The following DLC1 variants were observed in gnomAD, a reference collection of about 807,000 sequenced individuals.
The protein encoded by DLC1 is DLC1 Rho GTPase activating protein, also known as rho GTPase-activating protein 7.
A neutral mutation model predicts 140.3 loss-of-function variants in DLC1; 54 were observed. That is an observed-to-expected ratio of 0.38 (90% CI 0.31 to 0.48). The LOEUF (loss-of-function observed/expected upper bound fraction) is 0.48, where lower values mean the gene tolerates loss of function less well. DLC1 is among the 20% of genes least tolerant of loss of function. The pLI, the probability that DLC1 is intolerant of heterozygous loss-of-function variation, is 0.96. For missense variants in DLC1, 2,536 were observed against 1,907.0 expected (o/e 1.33, Z -6.14); for synonymous variants, 986 against 728.1 (o/e 1.35, Z -5.70).
chr8:13,257,450 A>C (rs1032583587), intron 5 of DLC1, among the ~76,000 whole-genome samples: 9 of 151,784 alleles, frequency 5.9e-5, no homozygotes, highest in Non-Finnish European at 1.2e-4. Context: ...AAAAAAAAAA[A>C]AAAAAAAAGC....
chr8:13,142,111 C>G lies in DLC1; in HGVS notation c.1349-26454G>C, dbSNP rs534902979. Reference sequence around the variant, plus strand: ...CATACATACACAGTCGCTCCTGCCGCCTTGTGAAGAAGTTACTTGCTTCTG... The same window carrying G: ...CATACATACACAGTCGCTCCTGCCGGCTTGTGAAGAAGTTACTTGCTTCTG... On this transcript the variant is annotated intron_variant, in intron 5 of 17. Coordinates refer to ENST00000276297, the MANE Select transcript of DLC1 (RefSeq NM_182643.3). Among the ~76,000 whole-genome samples the G allele has an allele frequency of 5.1e-4, 78 of 152,298 alleles. 1 individual carries two copies. The Middle Eastern group carries it at 0.01, about 20-fold the overall frequency.
intron 1 of DLC1, chr8:13,567,597 T>C (rs1291121607): frequency 7.7e-6 from 12 of 1,551,768 alleles, no homozygotes; most frequent in African/African-American, 2.7e-5. Context: ...GTCCCTATTG[T>C]AACAGGAAAA....
chr8:13,349,950 T>G (rs1029970715), intron 4 of DLC1, among the ~76,000 whole-genome samples: 1 of 152,218 alleles, frequency 6.6e-6, no homozygotes, highest in African/African-American at 2.4e-5. Flanking sequence ...GACTTCAGTC[T>G]CTGAGACCAG....
intron 1 of DLC1, among the ~76,000 whole-genome samples, chr8:13,522,315 C>A (rs937023873): frequency 6.6e-6 from 1 of 151,892 alleles, no homozygotes; most frequent in Non-Finnish European, 1.5e-5. Flanking sequence ...ATGGGGGGTA[C>A]GGAATTGGTA....
intron 2 of DLC1, among the ~76,000 whole-genome samples, chr8:13,476,608 C>T (rs4831440): frequency 6.6e-6 from 1 of 151,688 alleles, no homozygotes. Flanking sequence ...TCCAGACAAA[C>T]CAGAATGAAT....
intron 1 of DLC1, among the ~76,000 whole-genome samples, chr8:13,550,473 T>G (rs1480590839): frequency 1.3e-5 from 2 of 152,152 alleles, no homozygotes; most frequent in African/African-American, 4.8e-5. Flanking sequence ...TTGCATGGTC[T>G]TCTTGAGCTA....
chr8:13,255,013 G>A (rs1419439249), intron 5 of DLC1, among the ~76,000 whole-genome samples: 1 of 150,664 alleles, frequency 6.6e-6, no homozygotes, highest in East Asian at 2.0e-4. Context: ...GTCCCACTCT[G>A]TTGCCCAGGC....
intron 4 of DLC1, among the ~76,000 whole-genome samples, chr8:13,388,790 A>G (rs67303109): frequency 0.13 from 19,213 of 152,026 alleles, 1,349 homozygotes; most frequent in Non-Finnish European, 0.15. Context: ...ACATATCTAT[A>G]AAATCTGTGG....
chr8:13,514,616 G>A lies in DLC1; in HGVS notation c.-140C>T. On this transcript the variant is annotated 5_prime_UTR_variant, in exon 1 of 18. Coordinates refer to ENST00000276297, the MANE Select transcript of DLC1 (RefSeq NM_182643.3). ...TAGCGTCTTACCTAGACAACGAGGA[G>A]CTGAAACGCCAAGGCATGACACTGC... 2.5e-6 allele frequency: 1 copy of A among 398,552 alleles called. No homozygotes were observed. The highest frequency in any genetic ancestry group is 1.3e-4 in the South Asian group (1 of 7,854). The allele number at this position is 398,552 out of a possible 1,614,324, so 24.7% of individuals were successfully genotyped here.
chr8:13,123,660 C>T (rs1052435506), intron 5 of DLC1, among the ~76,000 whole-genome samples: 1 of 152,114 alleles, frequency 6.6e-6, no homozygotes, highest in Non-Finnish European at 1.5e-5. Flanking sequence ...CCCTCTCTCC[C>T]TCTTTTCCTG....
At chr8:13,160,163 A>G (rs1430501992) in intron 5 of DLC1, 2 of 152,314 alleles carry the variant, frequency 1.3e-5, no homozygotes, top group Admixed American at 1.3e-4. Context: ...GTCTTGGAAA[A>G]AAGGTGAGTA....
chr8:13,370,297 A>G (rs1835672698), intron 4 of DLC1, among the ~76,000 whole-genome samples: 1 of 152,164 alleles, frequency 6.6e-6, no homozygotes, highest in Non-Finnish European at 1.5e-5. Flanking sequence ...ATTATTTTTC[A>G]TAATTAATGT....
At chr8:13,205,547 G>A (rs1381213805) in intron 5 of DLC1, among the ~76,000 whole-genome samples, 1 of 152,018 alleles carries the variant, frequency 6.6e-6, no homozygotes, top group East Asian at 1.9e-4. Context: ...GGGCCACATT[G>A]GAAGAAGAAG....
chr8:13,125,058 C>A (rs1821435566), intron 5 of DLC1, among the ~76,000 whole-genome samples: 1 of 151,968 alleles, frequency 6.6e-6, no homozygotes, highest in Non-Finnish European at 1.5e-5. Context: ...CTCACAGCAA[C>A]CTCTGCCTCC....
intron 5 of DLC1, among the ~76,000 whole-genome samples, chr8:13,212,196 T>C (rs776181430): frequency 1.3e-5 from 2 of 152,194 alleles, no homozygotes; most frequent in Admixed American, 1.3e-4. Flanking sequence ...CTTAACAACA[T>C]ACATGGCTTT....
chr8:13,367,900 C>T (rs564292773), intron 4 of DLC1, among the ~76,000 whole-genome samples: 7 of 152,228 alleles, frequency 4.6e-5, no homozygotes, highest in Admixed American at 1.3e-4. Context: ...AGAAGTTTTT[C>T]GGCTTAGACA....
Position 13,381,594 on chromosome 8 carries a change from C to T in DLC1, c.1314+11959G>A, listed in dbSNP as rs183965034. Among the ~76,000 whole-genome samples the T allele has an allele frequency of 1.2e-4, 18 of 152,262 alleles. No homozygotes were observed. In the East Asian group the frequency reaches 1.7e-3, roughly 15 times the overall value. ...CTCTGGAGGAACAAAGCTTCTATGACGTAAGAACATTTTGGTTGCTTCACA... is the reference window on the plus strand; with the variant it reads ...CTCTGGAGGAACAAAGCTTCTATGATGTAAGAACATTTTGGTTGCTTCACA... On this transcript the variant is annotated intron_variant, in intron 4 of 17. Transcript: ENST00000276297.
chr8:13,593,017 G>A (rs73663903), intron 1 of DLC1, among the ~76,000 whole-genome samples: 2,924 of 152,122 alleles, frequency 0.019, 99 homozygotes, highest in African/African-American at 0.066. Context: ...TTCTGTTTAA[G>A]GAGTTTAGCT....
chr8:13,184,792 G>A (rs779115012), intron 5 of DLC1, among the ~76,000 whole-genome samples: 5 of 152,184 alleles, frequency 3.3e-5, no homozygotes, highest in Non-Finnish European at 7.3e-5. Context: ...GGGGTGGAGA[G>A]TTCTGTAGAT....
Sources: gnomAD v4.1 joint callset for allele counts (sites outside exome capture counted in the v4.1 genomes callset) on GRCh38, gnomAD v4.1.1 for gene constraint, MANE v1.5 for transcripts, NCBI Gene and HGNC (gene_info 2026-07-23, HGNC 2026-07-21) for gene names.